The following PIEZO1 variants were observed in gnomAD, a reference collection of about 807,000 sequenced individuals.
The protein encoded by PIEZO1 is piezo-type mechanosensitive ion channel component 1.
In PIEZO1, 296 loss-of-function variants were observed where a neutral mutation model predicts 297.2. The observed-to-expected ratio is 1.00, with a 90% CI of 0.91 to 1.10. The LOEUF is 1.10. PIEZO1 is among the 50% of genes least tolerant of loss of function. The pLI, the probability that PIEZO1 is intolerant of heterozygous loss-of-function variation, is 0.00. For missense variants in PIEZO1, 5,018 were observed against 3,455.5 expected, an observed-to-expected ratio of 1.45 and a Z score of -11.34; for synonymous variants, 2,427 against 1,507.5, an observed-to-expected ratio of 1.61 and a Z score of -14.13.
At chr16:88,733,812 C>G (rs889575430) in intron 17 of PIEZO1, 67 bp from the exon 18 acceptor site, 14 of 1,471,608 alleles carry the variant, frequency 9.5e-6, no homozygotes, top group Non-Finnish European at 1.1e-5. Context: ...GAGGAAGAGG[C>G]TCTGGAGCCC....
At chr16:88,731,482 A>G (rs1277826958) in intron 22 of PIEZO1, 5 of 565,606 alleles carry the variant, frequency 8.8e-6, no homozygotes, top group South Asian at 2.3e-5. Flanking sequence ...TACTGGGCAA[A>G]AAAGGAAAAG....
chr16:88,747,269 T>C (rs1168289416), intron 2 of PIEZO1, among the ~76,000 whole-genome samples: 1 of 147,312 alleles, frequency 6.8e-6, no homozygotes, highest in Non-Finnish European at 1.5e-5. Context: ...AGCTCATGCC[T>C]GTAGTCTCGG....
chr16:88,731,401 C>T (rs1198525404), intron 22 of PIEZO1: 1 of 380,114 alleles, frequency 2.6e-6, no homozygotes, highest in East Asian at 5.0e-5. Context: ...CCGCACGGGG[C>T]CCGGAGAGGA....
At chr16:88,720,770 T>TGCCTGGGCCCCCTGGG (rs777295882) in intron 39 of PIEZO1, 22 bp from the exon 40 acceptor site, 19 of 1,461,972 alleles carry the variant, frequency 1.3e-5, no homozygotes, top group Non-Finnish European at 1.6e-5. Context: ...AGCTGACTTC[T>TGCCTGGGCCCCCTGGG]GCCTGGGCCC....
chr16:88,717,975 C>G (rs769218986), intron 44 of PIEZO1: 1 of 337,774 alleles, frequency 3.0e-6, no homozygotes. Context: ...CCCAGCTACT[C>G]GGGAGGCTGA....
At chr16:88,741,955 T>C in intron 4 of PIEZO1, 98 bp downstream of exon 4, 2 of 1,354,904 alleles carry the variant, frequency 1.5e-6, no homozygotes, top group Non-Finnish European at 2.0e-6. Flanking sequence ...TGGATGAGTC[T>C]CCAGGTCCCC....
chr16:88,747,977 G>A (rs115631491), intron 2 of PIEZO1, among the ~76,000 whole-genome samples: 260 of 152,302 alleles, frequency 1.7e-3, no homozygotes, highest in African/African-American at 5.9e-3. Flanking sequence ...AACGCAGCCC[G>A]GTGGACACCT....
rs549792549 is a variant in PIEZO1 at position 88,722,670 on chromosome 16, C to A, written c.4688G>T (p.Gly1563Val). The A allele has an allele frequency of 2.0e-6, 3 of 1,537,936 alleles. No homozygotes were observed. The South Asian group carries it at 3.6e-5, about 18-fold the overall frequency. The change falls in exon 35 of 51, where the codon GGC becomes GTC. Residue 1563 changes from glycine to valine, a missense_variant. Gly to Val is a moderately radical substitution (Grantham distance 109, BLOSUM62 -3). Transcript: ENST00000301015. ...ELLQGGEVHRGVLDQLYTSQA... is the reference protein window; with the variant it reads ...ELLQGGEVHRVVLDQLYTSQA... Reference sequence around the variant, plus strand: ...GCTTGTGTACAGCTGATCCAGCACGCCCCTGTGCACTTCGCCGCCCTGCAG... The same window carrying A: ...GCTTGTGTACAGCTGATCCAGCACGACCCTGTGCACTTCGCCGCCCTGCAG...
At position 88,722,621 on chromosome 16, in the gene PIEZO1, G is replaced by T. The variant is rs560777575; in HGVS notation, c.4737C>A (p.Gly1579=). 3.2e-4 allele frequency: 498 copies of T among 1,538,410 alleles called. 5 individuals carry two copies. In the Middle Eastern group the frequency reaches 6.2e-3, roughly 19 times the overall value. ...TTGGGGCATTGGGGGCCTCGGTGGGGCCTGGCAGCGTGGCCTCGGCCTGGC... is the reference window on the plus strand; with the variant it reads ...TTGGGGCATTGGGGGCCTCGGTGGGTCCTGGCAGCGTGGCCTCGGCCTGGC... The part of the protein sequence containing the change: ...YTSQAEATLP[G]PTEAPNAPST... The change falls in exon 35 of 51, where the codon GGC becomes GGA. Residue 1579 remains glycine, a synonymous_variant. Coordinates refer to ENST00000301015, the MANE Select transcript of PIEZO1 (RefSeq NM_001142864.4).
intron 1 of PIEZO1, among the ~76,000 whole-genome samples, chr16:88,778,155 C>T (rs1373853872): frequency 2.0e-5 from 3 of 152,362 alleles, no homozygotes; most frequent in Middle Eastern, 3.4e-3. Context: ...TGCCTGATGC[C>T]GCTCCCGGAC....
rs755575312 is a variant in PIEZO1 at position 88,721,952 on chromosome 16, G to A, written c.5070C>T (p.Leu1690=). ...YQCVAAHSEL[L]CYFIIILNHM... is the part of the protein sequence containing the mutation. ...GGTTGAGGATGATGATGAAGTAGCA[G>A]AGCAGCTCCGAGTGGGCGGCCACAC... Residue 1690 remains leucine (L), a synonymous_variant, in exon 37 of 51, where the codon CTC becomes CTT. Transcript: ENST00000301015. The A allele has an allele frequency of 1.9e-6, 3 of 1,550,012 alleles. No individual in the cohort carries two copies. Among genetic ancestry groups the A allele is most frequent in the African/African-American group, 1.4e-5 (1 of 73,042 alleles).
chr16:88,749,522 G>A (rs1441409609), intron 1 of PIEZO1, 43 bp from the exon 2 acceptor site: 4 of 1,421,378 alleles, frequency 2.8e-6, no homozygotes, highest in Admixed American at 4.1e-5. Context: ...ACAGAGGATG[G>A]CCAGCCCCAC....
intron 1 of PIEZO1, among the ~76,000 whole-genome samples, chr16:88,763,983 A>T (rs1027067473): frequency 2.6e-5 from 4 of 152,136 alleles, no homozygotes; most frequent in Non-Finnish European, 5.9e-5. Context: ...CCCGTGGTTC[A>T]GAGGGGTTTC....
At chr16:88,780,789 C>T (rs1907895074) in intron 1 of PIEZO1, among the ~76,000 whole-genome samples, 2 of 152,218 alleles carry the variant, frequency 1.3e-5, no homozygotes, top group South Asian at 2.1e-4. Context: ...GGTGAAACCC[C>T]GTCTCTACAA....
rs1226821306 is a variant in PIEZO1, at chr16:88,738,309, C to T, written c.766G>A (p.Gly256Ser). ...SRLCVAVGCFGAGHLICLYCY... is the reference protein window; with the variant it reads ...SRLCVAVGCFSAGHLICLYCY... ...TAGAGGCAGATGAGATGGCCGGCGC[C>T]GAAGCACCCCACCGCGACGCAGAGT... The change falls in exon 7 of 51, where the codon GGC (glycine) becomes AGC (serine). Residue 256 changes from glycine (G) to serine (S), a missense_variant. By Grantham distance (56) the Gly-to-Ser change is moderately conservative (BLOSUM62 0). Coordinates refer to ENST00000301015, the MANE Select transcript of PIEZO1 (RefSeq NM_001142864.4). 78 of 1,535,766 alleles carry T rather than the reference C, an allele frequency of 5.1e-5. No individual in the cohort carries two copies. The East Asian group carries it at 5.1e-4, about 10-fold the overall frequency.
At position 88,785,088 on chromosome 16, in the gene PIEZO1, T is replaced by G; in HGVS notation, c.-124A>C. 1.0e-5 allele frequency: 5 copies of G among 486,242 alleles called. No individual in the cohort carries two copies. Among genetic ancestry groups the G allele is most frequent in the Non-Finnish European group, 1.5e-5 (5 of 332,096 alleles). 30.1% of individuals were successfully genotyped at this position (486,242 alleles called of 1,614,324 possible). On this transcript the variant is annotated 5_prime_UTR_variant, in exon 1 of 51. Coordinates refer to ENST00000301015, the MANE Select transcript of PIEZO1 (RefSeq NM_001142864.4). ...GGGACCCGCGCGCCGCCTTCTCCTC[T>G]TCCTCCTTCTCCTTCGGCCGCCCCG...
At position 88,727,250 on chromosome 16, in the gene PIEZO1, G is replaced by A. The variant is rs1015664844; in HGVS notation, c.3302-58C>T. Reference sequence around the variant, plus strand: ...CGGGGACCCACACGAGGTGGGCACGGCGCATAAATCCCACCTCCCACCCCA... The same window carrying A: ...CGGGGACCCACACGAGGTGGGCACGACGCATAAATCCCACCTCCCACCCCA... On this transcript the variant is annotated intron_variant, in intron 23 of 50. Transcript: ENST00000301015. 7.8e-5 allele frequency: 115 copies of A among 1,465,560 alleles called. No individual in the cohort carries two copies. In the South Asian group the frequency reaches 1.1e-3, roughly 14 times the overall value. 90.8% of individuals were successfully genotyped at this position (1,465,560 alleles called of 1,614,324 possible).
chr16:88,777,183 G>C (rs1767702204), intron 1 of PIEZO1, among the ~76,000 whole-genome samples: 1 of 152,244 alleles, frequency 6.6e-6, no homozygotes, highest in Admixed American at 6.5e-5. Flanking sequence ...ATGTTGGCCA[G>C]GCTGGTCTTG....
chr16:88,727,485 G>A (rs1185627961), intron 23 of PIEZO1, 72 bp downstream of exon 23: 5 of 680,128 alleles, frequency 7.4e-6, no homozygotes, highest in Admixed American at 5.8e-5. Flanking sequence ...GTGCACACTT[G>A]TGAGCAGATT....
Sources: allele counts gnomAD v4.1 joint callset (sites outside exome capture counted in the v4.1 genomes callset), GRCh38; gene constraint gnomAD v4.1.1; transcripts MANE v1.5; gene names NCBI Gene and HGNC (gene_info 2026-07-23, HGNC 2026-07-21).